COL4A4: variants seen among roughly 807,000 people sequenced by gnomAD.
COL4A4 encodes the protein collagen alpha-4(IV) chain.
In COL4A4, 105 loss-of-function variants were observed where a neutral mutation model predicts 192.9. The observed-to-expected ratio is 0.54, with a 90% CI of 0.46 to 0.64. The LOEUF is 0.64. COL4A4 is among the 30% of genes least tolerant of loss of function. The pLI, the probability that COL4A4 is intolerant of heterozygous loss-of-function variation, is 0.00. For synonymous variants in COL4A4, 762 were observed against 769.9 expected (o/e 0.99, Z 0.17); for missense variants, 1,967 against 2,169.3 (o/e 0.91, Z 1.85).
the COL4A4 span, among the ~76,000 whole-genome samples, chr2:226,967,766 A>G: frequency 2.6e-5 from 4 of 152,050 alleles, no homozygotes; most frequent in African/African-American, 7.2e-5. Flanking sequence ...GGCATTTGCA[A>G]ATGTGTGTGT....
In COL4A4 at chr2:227,045,837, C is replaced by CAT. The variant is rs749580953; in HGVS notation, c.3289+1636_3289+1637dup. 7.3e-5 allele frequency among the ~76,000 whole-genome samples: 3 copies of CAT among 41,148 alleles called. 1 individual carries two copies. Among genetic ancestry groups the CAT allele is most frequent in the East Asian group, 1.5e-3 (2 of 1,350 alleles). 27.0% of individuals were successfully genotyped at this position (41,148 alleles called of 152,430 possible). ...ATATACACATATATATATATACACA[C>CAT]ATATATATATACACATATATATATA... On this transcript the variant is annotated intron_variant, in intron 35 of 47. Coordinates refer to ENST00000396625, the MANE Select transcript of COL4A4 (RefSeq NM_000092.5).
chr2:227,157,629 T>C (rs1015849153), intron 1 of COL4A4, among the ~76,000 whole-genome samples: 2 of 152,028 alleles, frequency 1.3e-5, no homozygotes, highest in African/African-American at 2.4e-5. Flanking sequence ...TATAATTATA[T>C]GTCAATAAAT....
intron 44 of COL4A4, among the ~76,000 whole-genome samples, chr2:227,016,631 C>T (rs960964477): frequency 5.9e-5 from 9 of 152,122 alleles, no homozygotes; most frequent in Non-Finnish European, 1.3e-4. Flanking sequence ...CGGTTCCACA[C>T]GCCCCACTGA....
At chr2:227,143,233 T>C (rs79740004) in intron 3 of COL4A4, among the ~76,000 whole-genome samples, 11,855 of 152,234 alleles carry the variant, frequency 0.078, 1,468 homozygotes, top group African/African-American at 0.27. Context: ...CCAGTTGTTG[T>C]TGAAGGAAAT....
rs1215651633 is a variant in COL4A4 at position 227,059,428 on chromosome 2, T to A, written c.2360A>T (p.Asp787Val). The part of the protein sequence containing the change: ...GVPGIKGPRG[D>V]PGCPGAEGPA... ...ACCTTCAGCCCCTGGACATCCCGGA[T>A]CACCTCTGGGTCCTTTTATCCCTGG... The change falls in exon 28 of 48, where the codon GAT (aspartate) becomes GTT (valine). Residue 787 changes from aspartate to valine, a missense_variant. Transcript: ENST00000396625. 1 of 1,614,130 alleles carries A rather than the reference T, an allele frequency of 6.2e-7. No individual in the cohort carries two copies. The highest frequency in any genetic ancestry group is 2.2e-5 in the East Asian group (1 of 44,874).
At chr2:227,064,937 G>A (rs1256739438) in intron 25 of COL4A4, among the ~76,000 whole-genome samples, 10 of 152,152 alleles carry the variant, frequency 6.6e-5, no homozygotes, top group Admixed American at 2.0e-4. Flanking sequence ...CGCGCGCGAC[G>A]CAGAAGACGG....
At chr2:226,967,957 C>G in the COL4A4 span, among the ~76,000 whole-genome samples, 1 of 152,158 alleles carries the variant, frequency 6.6e-6, no homozygotes, top group Admixed American at 6.5e-5. Context: ...AAAATTACTT[C>G]TAAGGCCATG....
chr2:227,008,413 G>C lies in COL4A4; in HGVS notation c.4523-109C>G, dbSNP rs1387487742. ...GCAGATACGTGTTCTGAAATCTGGAGGCCCTCGCCAAAGCCTGCTTCTGTG... is the reference window on the plus strand; with the variant it reads ...GCAGATACGTGTTCTGAAATCTGGACGCCCTCGCCAAAGCCTGCTTCTGTG... On this transcript the variant is annotated intron_variant, in intron 46 of 47. Coordinates refer to ENST00000396625, the MANE Select transcript of COL4A4 (RefSeq NM_000092.5). 3.2e-6 allele frequency: 4 copies of C among 1,264,392 alleles called. No individual in the cohort carries two copies. In the African/African-American group the frequency reaches 6.0e-5, roughly 19 times the overall value. 78.3% of individuals were successfully genotyped at this position (1,264,392 alleles called of 1,614,324 possible). A position where few individuals can be genotyped will look rare whatever the true frequency, so the allele number is the denominator to read the frequency against.
At chr2:227,105,847 T>C (rs1016490507) in intron 12 of COL4A4, among the ~76,000 whole-genome samples, 1 of 152,168 alleles carries the variant, frequency 6.6e-6, no homozygotes, top group Non-Finnish European at 1.5e-5. Context: ...TTTCCTTACT[T>C]CCTTGAAACC....
chr2:227,115,057 T>TAG (rs778672387), intron 7 of COL4A4, among the ~76,000 whole-genome samples: 1 of 151,912 alleles, frequency 6.6e-6, no homozygotes, highest in Non-Finnish European at 1.5e-5. Flanking sequence ...TATATATATA[T>TAG]ATAGAGAGAG....
chr2:226,991,423 G>A, the COL4A4 span, among the ~76,000 whole-genome samples: 146 of 152,140 alleles, frequency 9.6e-4, 1 homozygote, highest in Non-Finnish European at 1.8e-3. Flanking sequence ...CTCGTGAACC[G>A]CCCGCCTCAG....
rs576095933 is a variant in COL4A4 at position 227,115,021 on chromosome 2, A to G, written c.490-325T>C. On this transcript the variant is annotated intron_variant, in intron 7 of 47. Transcript: ENST00000396625. Reference sequence around the variant, plus strand: ...CAAATAACTAATTTTGCAATTGTTAATTTATGCCCTAGAAACAGTAAAACG... The same window carrying G: ...CAAATAACTAATTTTGCAATTGTTAGTTTATGCCCTAGAAACAGTAAAACG... Among the ~76,000 whole-genome samples the G allele has an allele frequency of 2.6e-5, 4 of 152,212 alleles. No homozygotes were observed. The East Asian group carries it at 7.7e-4, about 29-fold the overall frequency.
In COL4A4 at chr2:227,052,406, A is replaced by G. The variant is rs2150195489; in HGVS notation, c.2867T>C (p.Ile956Thr). The change falls in exon 32 of 48, where the codon ATA (isoleucine) becomes ACA (threonine). Residue 956 changes from isoleucine (I) to threonine (T), a missense_variant. Physicochemically the swap from Ile to Thr is moderately conservative, Grantham distance 89. Transcript: ENST00000396625. The part of the protein sequence containing the change: ...DRGLRGAKGA[I>T]GPPGDEGEMA... ...TTCTCCTTCATCTCCGGGAGGTCCT[A>G]TGGCTCCTATGGATATTAATTATGC... 5.8e-6 allele frequency: 9 copies of G among 1,557,858 alleles called. No individual in the cohort carries two copies. The South Asian group carries it at 8.9e-5, about 15-fold the overall frequency.
intron 37 of COL4A4, among the ~76,000 whole-genome samples, chr2:227,041,828 GAAA>G (rs1559477491): frequency 3.1e-4 from 16 of 51,906 alleles, no homozygotes; most frequent in African/African-American, 1.9e-3. Context: ...AAGAAAGAAA[GAAA>G]GAAAGAAAGA....
At chr2:226,967,845 A>G in the COL4A4 span, among the ~76,000 whole-genome samples, 1 of 152,056 alleles carries the variant, frequency 6.6e-6, no homozygotes, top group Non-Finnish European at 1.5e-5. Context: ...ATTCAGTGCC[A>G]GGGGCCCAGG....
At chr2:227,161,291 A>G (rs778113269) in intron 1 of COL4A4, among the ~76,000 whole-genome samples, 1 of 152,258 alleles carries the variant, frequency 6.6e-6, no homozygotes, top group Non-Finnish European at 1.5e-5. Context: ...AACAGTGTGT[A>G]GAAAACGGAC....
intron 1 of COL4A4, among the ~76,000 whole-genome samples, chr2:227,160,272 G>A (rs1007659116): frequency 6.6e-6 from 1 of 152,172 alleles, no homozygotes; most frequent in African/African-American, 2.4e-5. Context: ...GTGGCACGAT[G>A]TGTGTGATGA....
chr2:227,130,399 C>T (rs1231780751), intron 4 of COL4A4, among the ~76,000 whole-genome samples: 4 of 152,204 alleles, frequency 2.6e-5, no homozygotes, highest in Non-Finnish European at 4.4e-5. Flanking sequence ...GCGTCTTCTG[C>T]GGGGCCTAAA....
chr2:227,118,495 C>G, intron 7 of COL4A4, 150 bp downstream of exon 7: 1 of 664,592 alleles, frequency 1.5e-6, no homozygotes, highest in Non-Finnish European at 2.7e-6. Context: ...TCCTGCCTAT[C>G]TCTCTGTCCT....
Sources: allele counts gnomAD v4.1 joint callset (sites outside exome capture counted in the v4.1 genomes callset), GRCh38; gene constraint gnomAD v4.1.1; transcripts MANE v1.5; gene names NCBI Gene and HGNC (gene_info 2026-07-23, HGNC 2026-07-21).